Variants in PTP4A1 observed in about 807,000 individuals in gnomAD.
PTP4A1 encodes the protein protein tyrosine phosphatase 4A1.
A neutral mutation model predicts 20.5 loss-of-function variants in PTP4A1; 9 were observed. That is an observed-to-expected ratio of 0.44 (90% CI 0.26 to 0.77). The LOEUF is 0.77. Ranked by LOEUF, PTP4A1 falls within the 30% of genes least tolerant of loss-of-function variation. The probability of loss-of-function intolerance (pLI) is 0.19; values close to 1 mark genes in which losing one functional copy is unlikely to be tolerated. For synonymous variants in PTP4A1, 78 were observed against 67.4 expected (o/e 1.16, Z -0.77); for missense variants, 137 against 218.8 (o/e 0.63, Z 2.36).
upstream of PTP4A1, among the ~76,000 whole-genome samples, chr6:63,520,024 C>T (rs374270174): frequency 6.6e-6 from 1 of 152,172 alleles, no homozygotes; most frequent in African/African-American, 2.4e-5. Context: ...TATAATTTTT[C>T]GAGGAGCCTC....
At chr6:63,524,644 T>C (rs1253977106) in intron 1 of PTP4A1, among the ~76,000 whole-genome samples, 2 of 152,230 alleles carry the variant, frequency 1.3e-5, no homozygotes, top group Non-Finnish European at 2.9e-5. Flanking sequence ...TTCTACTGAA[T>C]GACTCTGAGC....
upstream of PTP4A1, among the ~76,000 whole-genome samples, chr6:63,569,092 A>G (rs964521649): frequency 3.3e-5 from 5 of 152,196 alleles, no homozygotes; most frequent in African/African-American, 1.2e-4. Context: ...AAGATTGAAA[A>G]TCAAGGAATC....
At chr6:63,539,874 A>G (rs1224374602) in intron 2 of PTP4A1, among the ~76,000 whole-genome samples, 1 of 152,248 alleles carries the variant, frequency 6.6e-6, no homozygotes, top group Non-Finnish European at 1.5e-5. Context: ...TCAGAGGTAT[A>G]CACATTTTTA....
At chr6:63,525,289 T>G (rs958572842) in intron 1 of PTP4A1, among the ~76,000 whole-genome samples, 1 of 152,210 alleles carries the variant, frequency 6.6e-6, no homozygotes, top group African/African-American at 2.4e-5. Flanking sequence ...CTTGTGATGC[T>G]GAAGCCGGTT....
At chr6:63,553,680 T>A (rs894768889) in intron 3 of PTP4A1, among the ~76,000 whole-genome samples, 3 of 152,138 alleles carry the variant, frequency 2.0e-5, no homozygotes, top group African/African-American at 7.2e-5. Flanking sequence ...CTGATTAGGT[T>A]GGGGGAATTG....
chr6:63,545,652 T>G (rs1162730935), intron 2 of PTP4A1, among the ~76,000 whole-genome samples: 2 of 152,046 alleles, frequency 1.3e-5, no homozygotes, highest in Non-Finnish European at 2.9e-5. Context: ...CAATCTTACC[T>G]TGTACTTTTC....
chr6:63,580,444 AGTATTGAGTTAT>A lies in PTP4A1; in HGVS notation c.*272_*283del. ...CAATTGACCTTTCCCCAAATCATGC[AGTATTGAGTTAT>A]GACTTGTTAAATCTATTCCCATGCC... On this transcript the variant is annotated 3_prime_UTR_variant, in exon 6 of 6. Coordinates refer to ENST00000626021, the MANE Select transcript of PTP4A1 (RefSeq NM_003463.5). The A allele has an allele frequency of 2.9e-6, 1 of 342,268 alleles. No homozygotes were observed. Among genetic ancestry groups the A allele is most frequent in the Non-Finnish European group, 5.5e-6 (1 of 182,616 alleles). 21.2% of individuals were successfully genotyped at this position (342,268 alleles called of 1,614,324 possible).
chr6:63,543,225 T>C (rs1196614476), intron 2 of PTP4A1, among the ~76,000 whole-genome samples: 1 of 152,162 alleles, frequency 6.6e-6, no homozygotes. Context: ...AAACTGAAAG[T>C]TCCTTATCCC....
chr6:63,557,633 G>A (rs904372553), intron 3 of PTP4A1, among the ~76,000 whole-genome samples: 4 of 152,078 alleles, frequency 2.6e-5, no homozygotes, highest in Non-Finnish European at 5.9e-5. Flanking sequence ...CCAGGTAAAA[G>A]GAATTGCAGA....
Position 63,578,923 on chromosome 6 carries a change from C to G in PTP4A1, c.224C>G (p.Pro75Arg). Residue 75 changes from proline (P) to arginine (R), a missense_variant, in exon 4 of 6, where the codon CCA (proline) becomes CGA (arginine). Coordinates refer to ENST00000626021, the MANE Select transcript of PTP4A1 (RefSeq NM_003463.5). ...VLDWPFDDGA[P>R]PSNQIVDDWL... ...GATTGGCCTTTTGATGATGGTGCAC[C>G]ACCATCCAACCAGATTGTTGATGAC... 6.3e-7 allele frequency: 1 copy of G among 1,589,254 alleles called. No homozygotes were observed. The highest frequency in any genetic ancestry group is 8.5e-7 in the Non-Finnish European group (1 of 1,171,670).
chr6:63,562,048 C>CATCA (rs1284893513), intron 3 of PTP4A1, among the ~76,000 whole-genome samples: 1 of 152,092 alleles, frequency 6.6e-6, no homozygotes, highest in Admixed American at 6.6e-5. Context: ...AATTGTTTAT[C>CATCA]ATCACATCAC....
chr6:63,534,675 C>T (rs1488876808), intron 2 of PTP4A1, among the ~76,000 whole-genome samples: 2 of 151,876 alleles, frequency 1.3e-5, no homozygotes, highest in African/African-American at 2.4e-5. Flanking sequence ...TCACCAGGCA[C>T]GGTGGCTCAT....
intron 2 of PTP4A1, among the ~76,000 whole-genome samples, chr6:63,542,103 T>A (rs1007735762): frequency 2.0e-5 from 3 of 150,962 alleles, no homozygotes; most frequent in African/African-American, 7.3e-5. Context: ...TAAAAAGGAA[T>A]AAATTAATGG....
rs1561914759 is a variant in PTP4A1 at position 63,576,632 on chromosome 6, G to A, written c.-249G>A. On this transcript the variant is annotated 5_prime_UTR_variant, in exon 2 of 6. Coordinates refer to ENST00000626021, the MANE Select transcript of PTP4A1 (RefSeq NM_003463.5). Reference sequence around the variant, plus strand: ...GAAATCCACAGAGCATTTTACAAGAGTTCTGACCTGGATGGGGTAAACCTC... The same window carrying A: ...GAAATCCACAGAGCATTTTACAAGAATTCTGACCTGGATGGGGTAAACCTC... The A allele has an allele frequency of 1.9e-6, 1 of 521,362 alleles. No individual in the cohort carries two copies. The highest frequency in any genetic ancestry group is 3.4e-6 in the Non-Finnish European group (1 of 298,256). 32.3% of individuals were successfully genotyped at this position (521,362 alleles called of 1,614,324 possible).
intron 2 of PTP4A1, among the ~76,000 whole-genome samples, chr6:63,532,887 C>CT (rs2149478638): frequency 6.6e-6 from 1 of 152,206 alleles, no homozygotes. Flanking sequence ...ATTATATCTG[C>CT]TTTTTAGCTA....
chr6:63,540,650 GA>G (rs1285271879), intron 2 of PTP4A1, among the ~76,000 whole-genome samples: 1 of 151,462 alleles, frequency 6.6e-6, no homozygotes, highest in Non-Finnish European at 1.5e-5. Context: ...AAAGAAAAAA[GA>G]AAAAAGTTAG....
intron 2 of PTP4A1, among the ~76,000 whole-genome samples, chr6:63,535,251 G>C (rs1339921266): frequency 6.6e-6 from 1 of 152,098 alleles, no homozygotes; most frequent in Non-Finnish European, 1.5e-5. Context: ...AATCACTTGA[G>C]GCCAGGAGTT....
At chr6:63,556,632 G>C (rs995552271) in intron 3 of PTP4A1, among the ~76,000 whole-genome samples, 7 of 152,130 alleles carry the variant, frequency 4.6e-5, no homozygotes, top group Admixed American at 1.3e-4. Flanking sequence ...CTGAGCAAAG[G>C]CTTTGCCAAA....
intron 2 of PTP4A1, among the ~76,000 whole-genome samples, chr6:63,535,795 A>C (rs1368033343): frequency 6.6e-6 from 1 of 152,150 alleles, no homozygotes; most frequent in Non-Finnish European, 1.5e-5. Flanking sequence ...AGCTATATTT[A>C]GGCTGGCCAC....
Sources: gnomAD v4.1 joint callset for allele counts (sites outside exome capture counted in the v4.1 genomes callset) on GRCh38, gnomAD v4.1.1 for gene constraint, MANE v1.5 for transcripts, NCBI Gene and HGNC (gene_info 2026-07-23, HGNC 2026-07-21) for gene names.